COL21A1: variants seen among roughly 807,000 people sequenced by gnomAD.
The protein encoded by COL21A1 is collagen alpha-1(XXI) chain.
Under a neutral mutation model 137.9 loss-of-function variants are expected in COL21A1, and 149 were observed. The ratio of observed to expected loss-of-function variants is 1.08; its 90% CI spans 0.95 to 1.24. The LOEUF (loss-of-function observed/expected upper bound fraction) is 1.24, where lower values mean the gene tolerates loss of function less well. Ranked by LOEUF, COL21A1 falls within the 50% of genes most tolerant of loss-of-function variation. The pLI, the probability that COL21A1 is intolerant of heterozygous loss-of-function variation, is 0.00. For missense variants in COL21A1, 1,167 were observed against 1,158.4 expected (o/e 1.01, Z -0.11); for synonymous variants, 456 against 391.5 (o/e 1.16, Z -1.95).
intron 1 of COL21A1, among the ~76,000 whole-genome samples, chr6:56,385,902 CTTT>C (rs771807619): frequency 7.0e-6 from 1 of 143,082 alleles, no homozygotes; most frequent in African/African-American, 2.6e-5. Flanking sequence ...TACTTCATTC[CTTT>C]TTTTTTTTTT....
At chr6:56,145,477 A>G (rs1037956481) in intron 10 of COL21A1, among the ~76,000 whole-genome samples, 1 of 152,132 alleles carries the variant, frequency 6.6e-6, no homozygotes, top group Admixed American at 6.6e-5. Context: ...CAGAAAAACA[A>G]ATTTTGGACT....
At chr6:56,145,445 CCAG>C (rs1320223891) in intron 10 of COL21A1, among the ~76,000 whole-genome samples, 2 of 151,718 alleles carry the variant, frequency 1.3e-5, no homozygotes, top group Non-Finnish European at 2.9e-5. Flanking sequence ...GGGCAAAACA[CCAG>C]AAGAAATAGA....
At chr6:56,285,901 T>A (rs1763902108) in intron 1 of COL21A1, among the ~76,000 whole-genome samples, 1 of 151,636 alleles carries the variant, frequency 6.6e-6, no homozygotes, top group African/African-American at 2.4e-5. Flanking sequence ...CCACAAATGA[T>A]TCCCTTTTTG....
At chr6:56,128,847 G>T (rs921471694) in intron 12 of COL21A1, among the ~76,000 whole-genome samples, 5 of 152,036 alleles carry the variant, frequency 3.3e-5, no homozygotes, top group African/African-American at 1.2e-4. Context: ...TAGAGACAGG[G>T]TTTCACCCTG....
At chr6:56,317,851 T>C (rs1201679945) in intron 1 of COL21A1, among the ~76,000 whole-genome samples, 1 of 152,130 alleles carries the variant, frequency 6.6e-6, no homozygotes, top group Admixed American at 6.6e-5. Context: ...CTTGGAGTAT[T>C]TTTACAAAAC....
chr6:56,256,712 AC>A (rs1204057845), intron 1 of COL21A1, among the ~76,000 whole-genome samples: 1 of 151,336 alleles, frequency 6.6e-6, no homozygotes, highest in African/African-American at 2.4e-5. Flanking sequence ...AATTTTAAAA[AC>A]CCCTTTTTTA....
At chr6:56,226,542 G>T (rs553129915) in intron 1 of COL21A1, among the ~76,000 whole-genome samples, 69 of 152,078 alleles carry the variant, frequency 4.5e-4, no homozygotes, top group African/African-American at 1.6e-3. Flanking sequence ...ATTCACTAAG[G>T]ATGTTGAAAA....
intron 1 of COL21A1, among the ~76,000 whole-genome samples, chr6:56,391,741 T>C (rs1421132317): frequency 1.3e-5 from 2 of 152,182 alleles, no homozygotes; most frequent in African/African-American, 2.4e-5. Context: ...GATACATTTA[T>C]AGATGTTATA....
chr6:56,123,855 G>T (rs1241432699), intron 16 of COL21A1, among the ~76,000 whole-genome samples: 1 of 152,152 alleles, frequency 6.6e-6, no homozygotes, highest in Non-Finnish European at 1.5e-5. Flanking sequence ...AATATCCTAT[G>T]ATTCACTTCT....
intron 1 of COL21A1, among the ~76,000 whole-genome samples, chr6:56,381,922 C>G (rs140907901): frequency 1.5e-4 from 23 of 152,172 alleles, no homozygotes; most frequent in African/African-American, 5.3e-4. Context: ...AATGCCACCA[C>G]GCAAAAGCCT....
At chr6:56,128,751 C>A (rs180899163) in intron 12 of COL21A1, among the ~76,000 whole-genome samples, 5 of 152,242 alleles carry the variant, frequency 3.3e-5, no homozygotes, top group Admixed American at 2.0e-4. Flanking sequence ...GCCCCCCAGG[C>A]TCAGGTGATT....
intron 1 of COL21A1, among the ~76,000 whole-genome samples, chr6:56,352,137 A>T (rs978797654): frequency 2.9e-4 from 44 of 151,670 alleles, no homozygotes; most frequent in South Asian, 2.1e-4. Context: ...TTATTTTTTT[A>T]AAATCAAAAT....
At chr6:56,129,703 A>T (rs28391425) in intron 12 of COL21A1, among the ~76,000 whole-genome samples, 451 of 78,810 alleles carry the variant, frequency 5.7e-3, no homozygotes, top group African/African-American at 0.022. Context: ...TGTGTGTGAG[A>T]GAGAGAGAGA....
intron 1 of COL21A1, among the ~76,000 whole-genome samples, chr6:56,262,748 T>C (rs867007401): frequency 6.6e-6 from 1 of 152,092 alleles, no homozygotes; most frequent in African/African-American, 2.4e-5. Context: ...AAAGCACTAC[T>C]ATTAGTCTAA....
chr6:56,264,233 C>T (rs142223177), intron 1 of COL21A1, among the ~76,000 whole-genome samples: 231 of 152,260 alleles, frequency 1.5e-3, no homozygotes, highest in East Asian at 0.015. Context: ...TTTCATAACA[C>T]GTCCATTCCC....
chr6:56,125,560 T>A lies in COL21A1; in HGVS notation c.1650+7A>T, dbSNP rs548065545. On this transcript the variant is annotated splice_region_variant and intron_variant, in intron 14 of 29. Coordinates refer to ENST00000244728, the MANE Select transcript of COL21A1 (RefSeq NM_030820.4). ...TATGAATACTTTGTTGTGTGATCTA[T>A]ACTTCCCTTTTTGCCATAAAATCCA... 5 of 1,595,398 alleles carry A rather than the reference T, an allele frequency of 3.1e-6. No homozygotes were observed. The South Asian group carries it at 4.5e-5, about 14-fold the overall frequency.
intron 1 of COL21A1, among the ~76,000 whole-genome samples, chr6:56,230,829 A>G (rs1441949872): frequency 6.6e-6 from 1 of 151,924 alleles, no homozygotes; most frequent in Non-Finnish European, 1.5e-5. Flanking sequence ...ATTTAGTTTC[A>G]AATTTTTCAT....
chr6:56,332,611 G>A (rs1247798716), intron 1 of COL21A1, among the ~76,000 whole-genome samples: 1 of 147,226 alleles, frequency 6.8e-6, no homozygotes. Flanking sequence ...AGGGTTACAT[G>A]TTTGCCCTTC....
chr6:56,109,895 G>C (rs1045808608), intron 16 of COL21A1, among the ~76,000 whole-genome samples: 2 of 151,946 alleles, frequency 1.3e-5, no homozygotes, highest in Non-Finnish European at 2.9e-5. Context: ...CACCTGCAAA[G>C]CTCAGGCCCA....
Sources: allele counts gnomAD v4.1 joint callset (sites outside exome capture counted in the v4.1 genomes callset), GRCh38; gene constraint gnomAD v4.1.1; transcripts MANE v1.5; gene names NCBI Gene and HGNC (gene_info 2026-07-23, HGNC 2026-07-21).